The following SIPA1L1 variants were observed in gnomAD, a reference collection of about 807,000 sequenced individuals.
SIPA1L1 encodes signal-induced proliferation-associated 1-like protein 1.
In SIPA1L1, 26 loss-of-function variants were observed where a neutral mutation model predicts 162.7. The observed-to-expected ratio is 0.16, with a 90% CI of 0.12 to 0.22. The LOEUF (loss-of-function observed/expected upper bound fraction) is 0.22, where lower values mean the gene tolerates loss of function less well. Among genes scored for constraint, SIPA1L1 ranks in the 10% least tolerant of loss-of-function variants. The pLI, the probability that SIPA1L1 is intolerant of heterozygous loss-of-function variation, is 1.00. For synonymous variants in SIPA1L1, 829 were observed against 837.4 expected (o/e 0.99, Z 0.17); for missense variants, 1,874 against 2,241.0 (o/e 0.84, Z 3.31).
At chr14:71,500,035 A>T (rs926905174) in intron 2 of SIPA1L1, among the ~76,000 whole-genome samples, 1 of 152,308 alleles carries the variant, frequency 6.6e-6, no homozygotes, top group Non-Finnish European at 1.5e-5. Flanking sequence ...TATTATAAAC[A>T]TGCTAATATT....
At position 71,587,641 on chromosome 14, in the gene SIPA1L1, A is replaced by G. The variant is rs544922361; in HGVS notation, c.-232A>G. 4 of 467,928 alleles carry G rather than the reference A, an allele frequency of 8.5e-6. No individual in the cohort carries two copies. Among genetic ancestry groups the G allele is most frequent in the East Asian group, 6.2e-5 (2 of 32,262 alleles). The allele number at this position is 467,928 out of a possible 1,614,324, so 29.0% of individuals were successfully genotyped here. A position where few individuals can be genotyped will look rare whatever the true frequency, so the allele number is the denominator to read the frequency against. Reference sequence around the variant, plus strand: ...TTCCATTCAGTTTTTTCTGAAAGAAAGCCCTCTGTTAAAGTGAAGCAAAGA... The same window carrying G: ...TTCCATTCAGTTTTTTCTGAAAGAAGGCCCTCTGTTAAAGTGAAGCAAAGA... On this transcript the variant is annotated 5_prime_UTR_variant, in exon 5 of 24. Coordinates refer to ENST00000381232, the MANE Select transcript of SIPA1L1 (RefSeq NM_001386936.1).
At chr14:71,459,423 A>G (rs187025028) in intron 2 of SIPA1L1, among the ~76,000 whole-genome samples, 15 of 152,166 alleles carry the variant, frequency 9.9e-5, no homozygotes, top group East Asian at 3.8e-4. Context: ...AATAGAAGAT[A>G]TGTAATATTT....
At chr14:71,374,723 C>A (rs373123860) in intron 2 of SIPA1L1, among the ~76,000 whole-genome samples, 2 of 138,210 alleles carry the variant, frequency 1.4e-5, no homozygotes, top group African/African-American at 2.7e-5. Flanking sequence ...TGTTTCTAGT[C>A]GCATTCACTG....
intron 10 of SIPA1L1, 116 bp downstream of exon 10, chr14:71,661,583 G>T: frequency 9.0e-7 from 1 of 1,114,292 alleles, no homozygotes; most frequent in Non-Finnish European, 1.2e-6. Flanking sequence ...ATTTCTTTTT[G>T]TCTTTAAACC....
chr14:71,479,714 C>G (rs1025083589), intron 2 of SIPA1L1, among the ~76,000 whole-genome samples: 3 of 151,938 alleles, frequency 2.0e-5, no homozygotes, highest in Admixed American at 1.3e-4. Context: ...GTCTAAACCC[C>G]TGTTTTGTTT....
chr14:71,465,058 C>T (rs1329060397), intron 2 of SIPA1L1, among the ~76,000 whole-genome samples: 4 of 152,280 alleles, frequency 2.6e-5, no homozygotes, highest in East Asian at 3.9e-4. Flanking sequence ...AGCATGGGTC[C>T]AGGTGGGGAT....
chr14:71,502,255 A>AAAAAAAAAATATATATATATAT (rs67020418), intron 2 of SIPA1L1, among the ~76,000 whole-genome samples: 4 of 97,556 alleles, frequency 4.1e-5, no homozygotes, highest in African/African-American at 1.8e-4. Flanking sequence ...AAAAAAAAAA[A>AAAAAAAAAATATATATATATAT]ATATATATAT....
chr14:71,574,624 C>T (rs1310974544), intron 4 of SIPA1L1: 1 of 152,022 alleles, frequency 6.6e-6, no homozygotes, highest in African/African-American at 2.4e-5. Flanking sequence ...TTATTGCAGA[C>T]ACACAAGACT....
At chr14:71,528,917 A>G (rs1235720682) in intron 3 of SIPA1L1, among the ~76,000 whole-genome samples, 1 of 152,046 alleles carries the variant, frequency 6.6e-6, no homozygotes, top group Non-Finnish European at 1.5e-5. Context: ...GTTCGAGACC[A>G]GCCTGACTAA....
At chr14:71,428,284 A>T (rs1385923838) in intron 2 of SIPA1L1, among the ~76,000 whole-genome samples, 1 of 151,946 alleles carries the variant, frequency 6.6e-6, no homozygotes. Flanking sequence ...GGCATGAGCA[A>T]CCATGCCTGG....
chr14:71,548,906 AG>A (rs1291306539), intron 4 of SIPA1L1, among the ~76,000 whole-genome samples: 14 of 150,960 alleles, frequency 9.3e-5, no homozygotes, highest in South Asian at 2.1e-4. Flanking sequence ...AAAAAAAAAA[AG>A]TGAAATGAAA....
intron 2 of SIPA1L1, among the ~76,000 whole-genome samples, chr14:71,470,165 G>T (rs899096225): frequency 3.3e-5 from 5 of 152,176 alleles, no homozygotes; most frequent in African/African-American, 1.2e-4. Flanking sequence ...AGGGCCTTAT[G>T]TTATGAAGAA....
intron 7 of SIPA1L1, 97 bp from the exon 8 acceptor site, chr14:71,650,238 A>G (rs1350347894): frequency 1.3e-5 from 16 of 1,212,124 alleles, no homozygotes; most frequent in African/African-American, 3.0e-5. Context: ...GGTGTTAGCT[A>G]TTTTCTGGGC....
At chr14:71,461,581 ATTTC>A (rs1049064114) in intron 2 of SIPA1L1, among the ~76,000 whole-genome samples, 4 of 152,056 alleles carry the variant, frequency 2.6e-5, no homozygotes, top group African/African-American at 9.7e-5. Context: ...TCTTCCCCAC[ATTTC>A]TTTGTCACCA....
chr14:71,526,204 T>A (rs538646230), intron 3 of SIPA1L1, among the ~76,000 whole-genome samples: 2 of 152,356 alleles, frequency 1.3e-5, no homozygotes, highest in South Asian at 2.1e-4. Flanking sequence ...TTACTTTTTT[T>A]ATTCAGAATG....
chr14:71,525,184 A>G (rs1595900218), intron 3 of SIPA1L1, among the ~76,000 whole-genome samples: 1 of 146,804 alleles, frequency 6.8e-6, no homozygotes, highest in Admixed American at 6.8e-5. Context: ...ATGTAGCCCA[A>G]CTGACTTTTT....
intron 21 of SIPA1L1, 105 bp from the exon 22 acceptor site, chr14:71,735,163 ATCCTGCACT>A (rs2085170841): frequency 1.4e-6 from 1 of 715,262 alleles, no homozygotes; most frequent in Non-Finnish European, 2.5e-6. Flanking sequence ...TTTCCAGTGC[ATCCTGCACT>A]GGAAATACTA....
intron 3 of SIPA1L1, among the ~76,000 whole-genome samples, chr14:71,515,269 A>G (rs1414988282): frequency 6.6e-6 from 1 of 152,224 alleles, no homozygotes; most frequent in African/African-American, 2.4e-5. Flanking sequence ...TCGTGTAGCA[A>G]AATTACGGCT....
chr14:71,507,267 T>C (rs542955337), intron 2 of SIPA1L1, among the ~76,000 whole-genome samples: 20 of 152,330 alleles, frequency 1.3e-4, no homozygotes, highest in Middle Eastern at 3.4e-3. Context: ...GAAATTTTGT[T>C]GTTGATTTGT....
Sources: gnomAD v4.1 joint callset for allele counts (sites outside exome capture counted in the v4.1 genomes callset) on GRCh38, gnomAD v4.1.1 for gene constraint, MANE v1.5 for transcripts, NCBI Gene and HGNC (gene_info 2026-07-23, HGNC 2026-07-21) for gene names.